The following PIK3C2A variants were observed in gnomAD, a reference collection of about 807,000 sequenced individuals.
PIK3C2A encodes the protein phosphatidylinositol-4-phosphate 3-kinase catalytic subunit type 2 alpha.
A neutral mutation model predicts 204.5 loss-of-function variants in PIK3C2A; 97 were observed. The ratio of observed to expected loss-of-function variants is 0.47; its 90% CI spans 0.40 to 0.56. The LOEUF (loss-of-function observed/expected upper bound fraction) is 0.56, where lower values mean the gene tolerates loss of function less well. Ranked by LOEUF, PIK3C2A falls within the 20% of genes least tolerant of loss-of-function variation. PIK3C2A has a pLI of 0.00. For missense variants in PIK3C2A, 1,735 were observed against 1,969.2 expected (o/e 0.88, Z 2.25); for synonymous variants, 653 against 664.4 (o/e 0.98, Z 0.26).
intron 1 of PIK3C2A, among the ~76,000 whole-genome samples, chr11:17,172,559 G>T (rs946233780): frequency 1.3e-5 from 2 of 152,150 alleles, no homozygotes; most frequent in African/African-American, 4.8e-5. Context: ...CTGTTACATA[G>T]CAATAGATAA....
rs930230092 is a variant in PIK3C2A at position 17,094,676 on chromosome 11, A to G, written c.4327-291T>C. On this transcript the variant is annotated intron_variant, in intron 27 of 32. Transcript: ENST00000691414. ...GAGACAGAGGTTGCAGTGAACCGAGATGGCACTGTACTCCAGCCTGGGCAA... is the reference window on the plus strand; with the variant it reads ...GAGACAGAGGTTGCAGTGAACCGAGGTGGCACTGTACTCCAGCCTGGGCAA... Among the ~76,000 whole-genome samples the G allele has an allele frequency of 8.5e-5, 13 of 152,240 alleles. No individual in the cohort carries two copies. In the East Asian group the frequency reaches 2.5e-3, roughly 29 times the overall value.
In PIK3C2A at chr11:17,119,208, T is replaced by TA. The variant is rs753111385; in HGVS notation, c.2940+11dup. On this transcript the variant is annotated intron_variant, in intron 17 of 32. Coordinates refer to ENST00000691414, the MANE Select transcript of PIK3C2A (RefSeq NM_002645.4). Reference sequence around the variant, plus strand: ...GAAAGTATAAAGGGAGGTAATCTAGTAAAAAACTCACTTGTACAAACTGTG... The same window carrying TA: ...GAAAGTATAAAGGGAGGTAATCTAGTAAAAAAACTCACTTGTACAAACTGTG... 6.8e-6 allele frequency: 10 copies of TA among 1,460,222 alleles called. No homozygotes were observed. Among genetic ancestry groups the TA allele is most frequent in the Non-Finnish European group, 8.6e-6 (9 of 1,044,592 alleles). The allele number at this position is 1,460,222 out of a possible 1,614,324, so 90.5% of individuals were successfully genotyped here.
chr11:17,101,485 A>G (rs1468239819), intron 24 of PIK3C2A, 51 bp from the exon 25 acceptor site: 1 of 1,039,030 alleles, frequency 9.6e-7, no homozygotes, highest in East Asian at 2.5e-5. Flanking sequence ...AGATACTCCA[A>G]TAGTGCTATT....
intron 3 of PIK3C2A, among the ~76,000 whole-genome samples, chr11:17,152,530 A>G (rs1278078284): frequency 1.3e-5 from 2 of 152,202 alleles, no homozygotes; most frequent in South Asian, 2.1e-4. Context: ...TTCACTTTCA[A>G]TATAGACCAG....
rs1466795675 is a variant in PIK3C2A, at chr11:17,134,959, G to C, written c.1968C>G (p.Leu656=). 1 of 1,613,970 alleles carries C rather than the reference G, an allele frequency of 6.2e-7. No homozygotes were observed. The highest frequency in any genetic ancestry group is 1.3e-5 in the African/African-American group (1 of 74,898). Residue 656 remains leucine, a synonymous_variant, in exon 11 of 33, where the codon CTC becomes CTG. Transcript: ENST00000691414. ...NQLTAAIYDL[L]RLHANSGRSP... ...TCCTACCAGAATTTGCATGGAGTCT[G>C]AGAAGATCATAAATTGCTGCAGTTA... is the stretch of plus-strand genomic sequence containing the variant.
chr11:17,147,545 C>A lies in PIK3C2A; in HGVS notation c.1532G>T (p.Ser511Ile). ...TCGGGCCAGATTTTGACACATTGCA[C>A]TGAAGGTCAAGAGTTGTAGTCTAAT... ...TEIRLQLLTFSAMCQNLARTA... is the reference protein window; with the variant it reads ...TEIRLQLLTFIAMCQNLARTA... Residue 511 changes from serine to isoleucine, a missense_variant, in exon 6 of 33, where the codon AGT becomes ATT. By Grantham distance (142) the Ser-to-Ile change is moderately radical (BLOSUM62 -2). Coordinates refer to ENST00000691414, the MANE Select transcript of PIK3C2A (RefSeq NM_002645.4). 3 of 1,609,734 alleles carry A rather than the reference C, an allele frequency of 1.9e-6. No individual in the cohort carries two copies. The highest frequency in any genetic ancestry group is 2.6e-6 in the Non-Finnish European group (3 of 1,176,062).
intron 13 of PIK3C2A, 72 bp downstream of exon 13, chr11:17,129,228 C>T: frequency 8.0e-7 from 1 of 1,245,254 alleles, no homozygotes; most frequent in South Asian, 1.3e-5. Context: ...CCCTCACCTC[C>T]TTGTCATCTA....
chr11:17,182,851 G>T (rs1283002938), intron 1 of PIK3C2A, among the ~76,000 whole-genome samples: 1 of 152,054 alleles, frequency 6.6e-6, no homozygotes, highest in Non-Finnish European at 1.5e-5. Context: ...ATTTATTTAT[G>T]TATTTTTGAG....
rs138394492 is a variant in PIK3C2A at position 17,168,713 on chromosome 11, T to C, written c.1029A>G (p.Thr343=). Residue 343 remains threonine, a synonymous_variant, in exon 2 of 33, where the codon ACA becomes ACG. Transcript: ENST00000691414. ...GGCCCTGGGCTTTTGCAAGCTGAGTTGTTCGAATATTTAAAGACTGGCTTC... is the reference window on the plus strand; with the variant it reads ...GGCCCTGGGCTTTTGCAAGCTGAGTCGTTCGAATATTTAAAGACTGGCTTC... ...VTRSQSLNIR[T]TQLAKAQGHI... is the part of the protein sequence containing the mutation. 1.2e-3 allele frequency: 1,936 copies of C among 1,600,538 alleles called. 16 individuals carry two copies. In the Admixed American group the frequency reaches 0.019, roughly 16 times the overall value.
At chr11:17,107,097 AG>A (rs1458595890) in intron 22 of PIK3C2A, among the ~76,000 whole-genome samples, 3 of 152,148 alleles carry the variant, frequency 2.0e-5, no homozygotes, top group Admixed American at 6.5e-5. Context: ...GCAGATCACA[AG>A]GTCAGGAGAT....
Position 17,086,676 on chromosome 11 carries a change from TA to T in PIK3C2A, c.*3061del, listed in dbSNP as rs1848172615. 1 of 152,196 alleles carries T rather than the reference TA, an allele frequency of 6.6e-6. No homozygotes were observed. Among genetic ancestry groups the T allele is most frequent in the Non-Finnish European group, 1.5e-5 (1 of 68,026 alleles). 9.4% of individuals were successfully genotyped at this position (152,196 alleles called of 1,614,324 possible). On this transcript the variant is annotated 3_prime_UTR_variant, in exon 33 of 33. Transcript: ENST00000691414. The stretch of plus-strand genomic sequence containing the variant: ...TATTAATAAAAATATTATACATCTT[TA>T]TTCACTATCTTAATATAATTAAAGT...
chr11:17,099,522 G>A (rs564864754), intron 26 of PIK3C2A, among the ~76,000 whole-genome samples: 1 of 152,240 alleles, frequency 6.6e-6, no homozygotes, highest in South Asian at 2.1e-4. Flanking sequence ...CTCTAGCCTG[G>A]ATGAAACAGC....
chr11:17,165,799 A>G (rs867551185), intron 2 of PIK3C2A, among the ~76,000 whole-genome samples: 14 of 150,598 alleles, frequency 9.3e-5, no homozygotes, highest in Admixed American at 2.0e-4. Flanking sequence ...AAAAAAAAAA[A>G]AAAAAAAAAG....
rs1393993530 is a variant in PIK3C2A at position 17,155,528 on chromosome 11, T to G, written c.1167A>C (p.Thr389=). The G allele has an allele frequency of 6.4e-7, 1 of 1,552,876 alleles. No homozygotes were observed. Among genetic ancestry groups the G allele is most frequent in the Non-Finnish European group, 8.8e-7 (1 of 1,130,862 alleles). The stretch of plus-strand genomic sequence containing the variant: ...ATTTATAAAGAAAAATTCCTTACTT[T>G]GTAATGGATCGACAAAAAGCTGCCA... ...EEMAAFCRSI[T]KLKTKFPYTN... Residue 389 remains threonine, a splice_region_variant and synonymous_variant, in exon 3 of 33, where the codon ACA becomes ACC. Transcript: ENST00000691414.
chr11:17,197,546 A>T (rs1355159237), intron 1 of PIK3C2A, among the ~76,000 whole-genome samples: 1 of 152,162 alleles, frequency 6.6e-6, no homozygotes, highest in East Asian at 1.9e-4. Flanking sequence ...TCTAACCATG[A>T]TAATTTTCTA....
chr11:17,165,782 G>GAAA (rs35384397), intron 2 of PIK3C2A, among the ~76,000 whole-genome samples: 1 of 78,854 alleles, frequency 1.3e-5, no homozygotes, highest in South Asian at 5.6e-4. Context: ...TCAAAAAAGT[G>GAAA]AAAAAAAAAA....
At chr11:17,183,462 G>A (rs1350780734) in intron 1 of PIK3C2A, among the ~76,000 whole-genome samples, 1 of 152,080 alleles carries the variant, frequency 6.6e-6, no homozygotes, top group Non-Finnish European at 1.5e-5. Context: ...GATCACCTGA[G>A]GTCAGGAGTT....
intron 1 of PIK3C2A, among the ~76,000 whole-genome samples, chr11:17,185,797 CTT>C (rs914623601): frequency 9.9e-5 from 15 of 152,144 alleles, no homozygotes; most frequent in African/African-American, 3.4e-4. Flanking sequence ...ATCATCATCT[CTT>C]GTTCTTTCCT....
chr11:17,114,328 G>T, intron 20 of PIK3C2A, 33 bp downstream of exon 20: 1 of 1,079,382 alleles, frequency 9.3e-7, no homozygotes, highest in Non-Finnish European at 1.4e-6. Flanking sequence ...ATTTTCAAAT[G>T]TAATATGAAC....
Sources: allele counts gnomAD v4.1 joint callset (sites outside exome capture counted in the v4.1 genomes callset), GRCh38; gene constraint gnomAD v4.1.1; transcripts MANE v1.5; gene names NCBI Gene and HGNC (gene_info 2026-07-23, HGNC 2026-07-21).